The following PTPRD variants were observed in gnomAD, a reference collection of about 807,000 sequenced individuals.
PTPRD encodes receptor-type tyrosine-protein phosphatase delta.
Under a neutral mutation model 214.5 loss-of-function variants are expected in PTPRD, and 34 were observed. The observed-to-expected ratio is 0.16, with a 90% CI of 0.12 to 0.21. The LOEUF is 0.21. Among genes scored for constraint, PTPRD ranks in the 10% least tolerant of loss-of-function variants. PTPRD has a pLI of 1.00. For missense variants in PTPRD, 2,545 were observed against 2,398.7 expected, an observed-to-expected ratio of 1.06 and a Z score of -1.27; for synonymous variants, 1,128 against 845.7, an observed-to-expected ratio of 1.33 and a Z score of -5.79.
chr9:9,974,101 G>C (rs968883969), intron 4 of PTPRD, among the ~76,000 whole-genome samples: 2 of 152,152 alleles, frequency 1.3e-5, no homozygotes, highest in Non-Finnish European at 2.9e-5. Flanking sequence ...AATTAGGCTT[G>C]CTCAACATCT....
intron 5 of PTPRD, among the ~76,000 whole-genome samples, chr9:9,789,183 T>C (rs2098948721): frequency 6.6e-6 from 1 of 152,196 alleles, no homozygotes; most frequent in Non-Finnish European, 1.5e-5. Context: ...TTTTTCTAAA[T>C]AGGAATTACA....
At chr9:9,837,253 G>A (rs58280412) in intron 5 of PTPRD, among the ~76,000 whole-genome samples, 7,040 of 152,128 alleles carry the variant, frequency 0.046, 519 homozygotes, top group African/African-American at 0.16. Flanking sequence ...CAGGAATACC[G>A]TAGCTGACAC....
chr9:8,603,333 T>C (rs1382839070), intron 14 of PTPRD, among the ~76,000 whole-genome samples: 1 of 152,172 alleles, frequency 6.6e-6, no homozygotes, highest in Admixed American at 6.6e-5. Flanking sequence ...AATCTAAGTT[T>C]TCTTAAATAT....
chr9:9,269,738 A>C (rs1020604121), intron 9 of PTPRD, among the ~76,000 whole-genome samples: 3 of 151,378 alleles, frequency 2.0e-5, no homozygotes, highest in African/African-American at 7.3e-5. Context: ...CATTTTACTG[A>C]GTGAAATTAG....
intron 4 of PTPRD, among the ~76,000 whole-genome samples, chr9:9,967,622 C>T (rs7023877): frequency 0.14 from 21,958 of 152,140 alleles, 1,666 homozygotes; most frequent in African/African-American, 0.17. Context: ...GTTTAAGAGA[C>T]TTTCCTGAAG....
chr9:8,482,747 C>T (rs2096914051), intron 30 of PTPRD, among the ~76,000 whole-genome samples: 1 of 152,146 alleles, frequency 6.6e-6, no homozygotes, highest in Non-Finnish European at 1.5e-5. Context: ...TGTATGCCTC[C>T]TTCTTCCTTC....
intron 7 of PTPRD, among the ~76,000 whole-genome samples, chr9:9,601,110 T>G (rs1036783398): frequency 1.3e-4 from 10 of 76,468 alleles, no homozygotes; most frequent in Non-Finnish European, 2.7e-4. Flanking sequence ...GAGATTAATA[T>G]ATGTGTGTGT....
At chr9:8,529,145 C>CA (rs2075021126) in intron 14 of PTPRD, among the ~76,000 whole-genome samples, 1 of 151,754 alleles carries the variant, frequency 6.6e-6, no homozygotes, top group South Asian at 2.1e-4. Flanking sequence ...GGCCAAGTCA[C>CA]AAAAAGGGGA....
chr9:9,106,244 C>T (rs1429057660), intron 10 of PTPRD, among the ~76,000 whole-genome samples: 1 of 151,764 alleles, frequency 6.6e-6, no homozygotes, highest in East Asian at 1.9e-4. Context: ...GCATCTCAGT[C>T]ACATCTGCAG....
intron 11 of PTPRD, among the ~76,000 whole-genome samples, chr9:8,770,037 T>G (rs58643799): frequency 3.9e-5 from 6 of 152,218 alleles, no homozygotes; most frequent in African/African-American, 1.4e-4. Flanking sequence ...TCCCAGCACT[T>G]TGGGAGGCCG....
chr9:8,352,290 G>A (rs866407657), intron 39 of PTPRD, among the ~76,000 whole-genome samples: 5 of 152,118 alleles, frequency 3.3e-5, no homozygotes, highest in Admixed American at 2.0e-4. Context: ...GGATAGAACA[G>A]GCCATTAGGC....
At chr9:9,260,336 C>A (rs2099979543) in intron 9 of PTPRD, among the ~76,000 whole-genome samples, 1 of 151,756 alleles carries the variant, frequency 6.6e-6, no homozygotes, top group African/African-American at 2.4e-5. Context: ...AAGGGACTGA[C>A]TATATTAAAT....
chr9:9,577,027 CGTT>C lies in PTPRD; in HGVS notation c.-286-2249_-286-2247del, dbSNP rs2089089212. Among the ~76,000 whole-genome samples the C allele has an allele frequency of 2.0e-5, 3 of 152,076 alleles. No individual in the cohort carries two copies. In the South Asian group the frequency reaches 6.2e-4, roughly 32 times the overall value. On this transcript the variant is annotated intron_variant, in intron 7 of 45. Transcript: ENST00000381196. ...AAGACATCCTTGTTTGTATTACTGA[CGTT>C]GTTACACTGATCAGATATGTTGGGT... is the stretch of plus-strand genomic sequence containing the variant.
intron 11 of PTPRD, among the ~76,000 whole-genome samples, chr9:8,786,267 GT>G (rs1436980401): frequency 6.6e-6 from 1 of 152,022 alleles, no homozygotes; most frequent in African/African-American, 2.4e-5. Flanking sequence ...CACTGAAATT[GT>G]TTTAATCCTA....
chr9:10,243,916 G>T (rs553441635), intron 3 of PTPRD, among the ~76,000 whole-genome samples: 9 of 151,962 alleles, frequency 5.9e-5, no homozygotes, highest in African/African-American at 2.2e-4. Flanking sequence ...CGAACTGCTA[G>T]ATTTACATCA....
intron 11 of PTPRD, among the ~76,000 whole-genome samples, chr9:8,930,372 C>T (rs201730246): frequency 4.6e-5 from 7 of 151,926 alleles, no homozygotes; most frequent in African/African-American, 1.7e-4. Flanking sequence ...TGTTGGACAT[C>T]TGGGTTGGTT....
intron 7 of PTPRD, among the ~76,000 whole-genome samples, chr9:9,630,771 A>T (rs1308578364): frequency 6.6e-6 from 1 of 152,158 alleles, no homozygotes. Flanking sequence ...ATTTATTTAC[A>T]TAAATGTCTG....
At chr9:8,332,480 C>A (rs1307454605) in intron 43 of PTPRD, among the ~76,000 whole-genome samples, 1 of 152,098 alleles carries the variant, frequency 6.6e-6, no homozygotes, top group African/African-American at 2.4e-5. Context: ...AAAGAGCTCT[C>A]CCTGGCTGAC....
intron 3 of PTPRD, among the ~76,000 whole-genome samples, chr9:10,097,221 G>A (rs1278799839): frequency 6.7e-6 from 1 of 149,500 alleles, no homozygotes; most frequent in African/African-American, 2.4e-5. Flanking sequence ...GGTAATGCGG[G>A]CTCTTTTTTG....
Sources: allele counts gnomAD v4.1 joint callset (sites outside exome capture counted in the v4.1 genomes callset), GRCh38; gene constraint gnomAD v4.1.1; transcripts MANE v1.5; gene names NCBI Gene and HGNC (gene_info 2026-07-23, HGNC 2026-07-21).